The following ZNF366 variants were observed in gnomAD, a reference collection of about 807,000 sequenced individuals.
The protein encoded by ZNF366 is dendritic cell-specific transcript protein.
In ZNF366, 20 loss-of-function variants were observed where a neutral mutation model predicts 47.2. The ratio of observed to expected loss-of-function variants is 0.42; its 90% CI spans 0.30 to 0.62. The LOEUF is 0.62. Ranked by LOEUF, ZNF366 falls within the 20% of genes least tolerant of loss-of-function variation. ZNF366 has a pLI of 0.16. For missense variants in ZNF366, 987 were observed against 976.3 expected, an observed-to-expected ratio of 1.01 and a Z score of -0.15; for synonymous variants, 421 against 395.1, an observed-to-expected ratio of 1.07 and a Z score of -0.78.
At chr5:72,445,388 G>T (rs1742938712) in intron 4 of ZNF366, among the ~76,000 whole-genome samples, 2 of 152,112 alleles carry the variant, frequency 1.3e-5, no homozygotes, top group Non-Finnish European at 2.9e-5. Flanking sequence ...AAGGGTAGGG[G>T]CGATGATGTC....
intron 3 of ZNF366, 80 bp downstream of exon 3, chr5:72,456,324 A>C (rs1325844955): frequency 1.6e-5 from 23 of 1,473,332 alleles, no homozygotes; most frequent in Non-Finnish European, 1.9e-5. Context: ...CTGATGAAAC[A>C]GAGTAGAAGG....
chr5:72,455,606 G>A lies in ZNF366; in HGVS notation c.1524+798C>T, dbSNP rs1398408972. Among the ~76,000 whole-genome samples, 3 of 152,322 alleles carry A rather than the reference G, an allele frequency of 2.0e-5. No homozygotes were observed. In the East Asian group the frequency reaches 5.8e-4, roughly 29 times the overall value. On this transcript the variant is annotated intron_variant, in intron 3 of 4. Transcript: ENST00000318442. ...TAGAGAGAGGAAACACTCTTGTGGG[G>A]TGGGGACAGCCTCGGGGAGCCGGAG...
chr5:72,457,145 A>G (rs1288978576), intron 2 of ZNF366, among the ~76,000 whole-genome samples: 3 of 152,194 alleles, frequency 2.0e-5, no homozygotes, highest in Non-Finnish European at 4.4e-5. Flanking sequence ...CTGGGTTCCC[A>G]CAGGCCACAC....
intron 4 of ZNF366, among the ~76,000 whole-genome samples, chr5:72,444,810 A>AGTG (rs1742928664): frequency 6.6e-6 from 1 of 152,262 alleles, no homozygotes; most frequent in Non-Finnish European, 1.5e-5. Context: ...ATTTATTTAT[A>AGTG]GTGCAGACCT....
intron 1 of ZNF366, chr5:72,472,718 TC>T: frequency 2.6e-6 from 1 of 387,352 alleles, no homozygotes; most frequent in Non-Finnish European, 3.5e-6. Flanking sequence ...CCTGGCTTCT[TC>T]CCCAGTGCTG....
intron 1 of ZNF366, among the ~76,000 whole-genome samples, chr5:72,463,600 C>T (rs947767941): frequency 2.0e-5 from 3 of 152,144 alleles, no homozygotes; most frequent in Non-Finnish European, 4.4e-5. Context: ...GCCTCAGGGG[C>T]CAGGCAATTG....
At chr5:72,481,792 C>G (rs1743794345) in intron 1 of ZNF366, among the ~76,000 whole-genome samples, 2 of 152,202 alleles carry the variant, frequency 1.3e-5, no homozygotes, top group South Asian at 4.1e-4. Flanking sequence ...GTTGTGCTAA[C>G]TTACACTGAG....
At chr5:72,450,021 G>T (rs371972731) in intron 3 of ZNF366, among the ~76,000 whole-genome samples, 1 of 152,290 alleles carries the variant, frequency 6.6e-6, no homozygotes, top group African/African-American at 2.4e-5. Context: ...CACTTGGCTC[G>T]CATGATGAGA....
chr5:72,504,091 A>G (rs1360204423), intron 1 of ZNF366, among the ~76,000 whole-genome samples: 3 of 149,282 alleles, frequency 2.0e-5, no homozygotes, highest in African/African-American at 4.9e-5. Context: ...ATGCGCGCGC[A>G]CACACGCGTG....
intron 1 of ZNF366, among the ~76,000 whole-genome samples, chr5:72,462,532 T>TTTCA: frequency 1.2e-5 from 1 of 80,852 alleles, no homozygotes; most frequent in Non-Finnish European, 2.2e-5. Context: ...TCTTTCTTTC[T>TTTCA]TTCTTTCTTT....
At chr5:72,478,079 A>G (rs1743711568) in intron 1 of ZNF366, among the ~76,000 whole-genome samples, 2 of 152,122 alleles carry the variant, frequency 1.3e-5, no homozygotes, top group South Asian at 2.1e-4. Flanking sequence ...GTGGGAAAAG[A>G]CATTTCAGTG....
chr5:72,480,676 T>TA (rs35042423), intron 1 of ZNF366, among the ~76,000 whole-genome samples: 19 of 152,116 alleles, frequency 1.2e-4, no homozygotes, highest in Non-Finnish European at 2.4e-4. Context: ...TTTGAATGCA[T>TA]AAAAAAATAA....
chr5:72,458,238 G>A (rs892676041), intron 2 of ZNF366, among the ~76,000 whole-genome samples: 1 of 151,850 alleles, frequency 6.6e-6, no homozygotes, highest in Non-Finnish European at 1.5e-5. Context: ...GGATGGTCTC[G>A]ATCTCCTGAC....
intron 3 of ZNF366, among the ~76,000 whole-genome samples, chr5:72,450,114 T>A (rs1743035679): frequency 6.6e-6 from 1 of 152,190 alleles, no homozygotes; most frequent in African/African-American, 2.4e-5. Flanking sequence ...GGGGATGGAA[T>A]TTTAGCCTAA....
In ZNF366 at chr5:72,460,488, G is replaced by A. The variant is rs779143138; in HGVS notation, c.1009C>T (p.His337Tyr). The change falls in exon 2 of 5, where the codon CAC becomes TAC. Residue 337 changes from histidine to tyrosine, a missense_variant. Physicochemically the swap from His to Tyr is moderately conservative, Grantham distance 83. Transcript: ENST00000318442. ...HMMQHSEVKPHNCRVCGRGFA... is the reference protein window; with the variant it reads ...HMMQHSEVKPYNCRVCGRGFA... ...CCGCGGCCGCACACGCGGCAGTTGTGCGGCTTCACCTCGCTGTGCTGCATC... is the reference window on the plus strand; with the variant it reads ...CCGCGGCCGCACACGCGGCAGTTGTACGGCTTCACCTCGCTGTGCTGCATC... 6.2e-7 allele frequency: 1 copy of A among 1,613,962 alleles called. No homozygotes were observed. Among genetic ancestry groups the A allele is most frequent in the Non-Finnish European group, 8.5e-7 (1 of 1,179,962 alleles).
chr5:72,480,726 AC>A (rs546058770), intron 1 of ZNF366, among the ~76,000 whole-genome samples: 2 of 152,226 alleles, frequency 1.3e-5, no homozygotes, highest in Non-Finnish European at 2.9e-5. Flanking sequence ...TGAAGGTCTC[AC>A]CTGGAAAGAG....
intron 1 of ZNF366, among the ~76,000 whole-genome samples, chr5:72,477,449 T>C (rs182842015): frequency 2.0e-4 from 31 of 152,356 alleles, no homozygotes; most frequent in African/African-American, 7.5e-4. Flanking sequence ...GAAGGATGAC[T>C]ATTCTAGCTG....
chr5:72,491,181 A>C (rs769319635), intron 1 of ZNF366, among the ~76,000 whole-genome samples: 2 of 152,268 alleles, frequency 1.3e-5, no homozygotes, highest in Non-Finnish European at 2.9e-5. Context: ...AGTACAAGTT[A>C]ATAGATGTAG....
intron 1 of ZNF366, among the ~76,000 whole-genome samples, chr5:72,462,661 G>A (rs571190034): frequency 6.7e-6 from 1 of 150,266 alleles, no homozygotes; most frequent in Non-Finnish European, 1.5e-5. Flanking sequence ...AGTGACCCTT[G>A]TGCCTCAGCC....
Sources: gnomAD v4.1 joint callset for allele counts (sites outside exome capture counted in the v4.1 genomes callset) on GRCh38, gnomAD v4.1.1 for gene constraint, MANE v1.5 for transcripts, NCBI Gene and HGNC (gene_info 2026-07-23, HGNC 2026-07-21) for gene names.